GRIK3: variants seen among roughly 807,000 people sequenced by gnomAD.
GRIK3 encodes glutamate ionotropic receptor kainate type subunit 3, also known as glutamate receptor ionotropic, kainate 3.
Under a neutral mutation model 102.5 loss-of-function variants are expected in GRIK3, and 29 were observed. The observed-to-expected ratio is 0.28, with a 90% CI of 0.21 to 0.39. The LOEUF (loss-of-function observed/expected upper bound fraction) is 0.39, where lower values mean the gene tolerates loss of function less well. Ranked by LOEUF, GRIK3 falls within the 10% of genes least tolerant of loss-of-function variation. The pLI is 1.00. For synonymous variants in GRIK3, 511 were observed against 504.9 expected (o/e 1.01, Z -0.16); for missense variants, 908 against 1,252.4 (o/e 0.73, Z 4.15).
At chr1:36,815,702 T>C (rs1330108941) in intron 13 of GRIK3, among the ~76,000 whole-genome samples, 1 of 152,130 alleles carries the variant, frequency 6.6e-6, no homozygotes, top group Non-Finnish European at 1.5e-5. Context: ...CTCGGCCCCA[T>C]CTAGACCTCC....
intron 1 of GRIK3, among the ~76,000 whole-genome samples, chr1:37,030,318 G>C (rs1195024442): frequency 6.6e-6 from 1 of 152,196 alleles, no homozygotes; most frequent in Non-Finnish European, 1.5e-5. Context: ...CCAAACTCAA[G>C]AGATGAATGT....
intron 2 of GRIK3, among the ~76,000 whole-genome samples, chr1:36,887,985 G>C (rs1226451711): frequency 6.6e-6 from 1 of 151,968 alleles, no homozygotes; most frequent in African/African-American, 2.4e-5. Context: ...AGCAGCTTTG[G>C]ATAACTGTTT....
chr1:36,881,044 C>T (rs113222702), intron 2 of GRIK3, among the ~76,000 whole-genome samples, 153 bp from the exon 3 acceptor site: 22 of 152,254 alleles, frequency 1.4e-4, no homozygotes, highest in African/African-American at 5.3e-4. Context: ...TCAGTTTCCT[C>T]ATCTGAAAAC....
chr1:36,893,919 A>G (rs1275257652), intron 1 of GRIK3, among the ~76,000 whole-genome samples: 1 of 152,228 alleles, frequency 6.6e-6, no homozygotes, highest in Non-Finnish European at 1.5e-5. Flanking sequence ...AGAGGAACTT[A>G]TGTCTTTAAC....
At chr1:36,809,787 T>C (rs932891646) in intron 13 of GRIK3, among the ~76,000 whole-genome samples, 1 of 151,964 alleles carries the variant, frequency 6.6e-6, no homozygotes, top group Non-Finnish European at 1.5e-5. Context: ...AAGGCACCAG[T>C]GGGTAAAGGA....
intron 1 of GRIK3, among the ~76,000 whole-genome samples, chr1:36,964,142 C>T (rs1179410531): frequency 6.6e-6 from 1 of 152,194 alleles, no homozygotes; most frequent in African/African-American, 2.4e-5. Context: ...TATGGGGACA[C>T]CAGGCTGCTT....
rs773388016 is a variant in GRIK3 at position 36,872,252 on chromosome 1, C to T, written c.668G>A (p.Arg223Gln). 6.2e-6 allele frequency: 10 copies of T among 1,612,524 alleles called. No homozygotes were observed. Among genetic ancestry groups the T allele is most frequent in the African/African-American group, 2.7e-5 (2 of 74,892 alleles). ...DSRPLLKEMKRGREFRIIFDC... is the reference protein window; with the variant it reads ...DSRPLLKEMKQGREFRIIFDC... ...GAAGATAATGCGGAATTCCCGGCCT[C>T]GCTTCATCTCCTTGAGCAAGGGGCG... The change falls in exon 4 of 16, where the codon CGA (arginine) becomes CAA (glutamine). Residue 223 changes from arginine to glutamine, a missense_variant. By Grantham distance (43) the Arg-to-Gln change is conservative (BLOSUM62 1). Around this residue, in one of 3 missense-constraint regions of GRIK3, gnomAD observed 585 missense variants for 824.9 expected, o/e 0.71. Transcript: ENST00000373091. The surrounding 1 kb of genome is among the most constrained non-coding windows in gnomAD (Gnocchi z 5.9).
chr1:36,850,866 C>T lies in GRIK3; in HGVS notation c.1213-442G>A, dbSNP rs923370806. Among the ~76,000 whole-genome samples the T allele has an allele frequency of 6.6e-6, 1 of 152,224 alleles. No individual in the cohort carries two copies. The highest frequency in any genetic ancestry group is 2.4e-5 in the African/African-American group (1 of 41,454). ...GGCAGCACAAGGAGGGGATGGACCT[C>T]ACTGGGAAATGCTGCTGGGTTTAAA... On this transcript the variant is annotated intron_variant, in intron 8 of 15. Coordinates refer to ENST00000373091, the MANE Select transcript of GRIK3 (RefSeq NM_000831.4). This position sits in a 1 kb window ranked among gnomAD's most constrained non-coding sequence, Gnocchi z 4.0.
At chr1:36,919,388 T>A (rs1288959929) in intron 1 of GRIK3, among the ~76,000 whole-genome samples, 1 of 146,384 alleles carries the variant, frequency 6.8e-6, no homozygotes, top group African/African-American at 2.6e-5. Flanking sequence ...ATTATTATTA[T>A]ACTTTAAGTT....
intron 1 of GRIK3, among the ~76,000 whole-genome samples, chr1:36,902,590 G>A (rs186157062): frequency 6.6e-6 from 1 of 152,286 alleles, no homozygotes; most frequent in Non-Finnish European, 1.5e-5. Flanking sequence ...AAGTGTATCA[G>A]AGACCTCAAT....
intron 1 of GRIK3, among the ~76,000 whole-genome samples, chr1:36,988,704 C>A (rs999812796): frequency 1.1e-4 from 16 of 152,216 alleles, no homozygotes; most frequent in Non-Finnish European, 1.6e-4. Flanking sequence ...AAATAATTTA[C>A]CATAAATATC....
intron 1 of GRIK3, among the ~76,000 whole-genome samples, chr1:36,939,068 G>A (rs758735497): frequency 5.9e-5 from 9 of 152,136 alleles, no homozygotes; most frequent in Admixed American, 3.3e-4. Flanking sequence ...TGCCCTTCCC[G>A]CATTTGGCTG....
chr1:36,824,058 C>G (rs1642726720), intron 11 of GRIK3, among the ~76,000 whole-genome samples: 1 of 152,162 alleles, frequency 6.6e-6, no homozygotes. Context: ...TCCCTCTCCT[C>G]TCTTCTCAGG....
chr1:36,811,291 G>A (rs1449894060), intron 13 of GRIK3, among the ~76,000 whole-genome samples: 7 of 152,042 alleles, frequency 4.6e-5, no homozygotes, highest in Non-Finnish European at 1.5e-5. Context: ...CACTTAAAGG[G>A]GTAAAAACTC....
intron 1 of GRIK3, among the ~76,000 whole-genome samples, chr1:36,905,759 A>G (rs953997855): frequency 2.6e-5 from 4 of 152,242 alleles, no homozygotes; most frequent in African/African-American, 9.6e-5. Context: ...ATTTACAACA[A>G]GTATGTATTA....
rs550908714 is a variant in GRIK3, at chr1:36,829,930, T to G, written c.1531-4104A>C. Among the ~76,000 whole-genome samples the G allele has an allele frequency of 2.1e-3, 317 of 152,306 alleles. 2 individuals carry two copies. The highest frequency in any genetic ancestry group is 7.3e-3 in the African/African-American group (304 of 41,564). On this transcript the variant is annotated intron_variant, in intron 10 of 15. Coordinates refer to ENST00000373091, the MANE Select transcript of GRIK3 (RefSeq NM_000831.4). ...GACTGTGGCCTCAGCTCTAACAACT[T>G]GTCACTGATCAGCCTTCTCTTAGGA...
rs375009497 is a variant in GRIK3 at position 36,885,030 on chromosome 1, T to C, written c.293-4139A>G. Among the ~76,000 whole-genome samples, 14 of 152,364 alleles carry C rather than the reference T, an allele frequency of 9.2e-5. No homozygotes were observed. In the South Asian group the frequency reaches 1.7e-3, roughly 18 times the overall value. ...ATTTTGACACAGACTGTGAGGATTA[T>C]GACAAAGGCAACTGAAATCGTTGTG... On this transcript the variant is annotated intron_variant, in intron 2 of 15. Coordinates refer to ENST00000373091, the MANE Select transcript of GRIK3 (RefSeq NM_000831.4).
intron 13 of GRIK3, among the ~76,000 whole-genome samples, chr1:36,808,560 A>G (rs1277957843): frequency 6.6e-6 from 1 of 152,152 alleles, no homozygotes; most frequent in African/African-American, 2.4e-5. Context: ...TCAGTGAAAA[A>G]CTGAAGCCCT....
chr1:36,940,806 G>A (rs1641711799), intron 1 of GRIK3, among the ~76,000 whole-genome samples: 1 of 152,234 alleles, frequency 6.6e-6, no homozygotes, highest in South Asian at 2.1e-4. Context: ...CATGGCACTA[G>A]AAGCTTCTGG....
Sources: allele counts gnomAD v4.1 joint callset (sites outside exome capture counted in the v4.1 genomes callset), GRCh38; gene constraint gnomAD v4.1.1; regional missense constraint gnomAD v4.1.1; non-coding constraint Gnocchi (gnomAD v3.1); transcripts MANE v1.5; gene names NCBI Gene and HGNC (gene_info 2026-07-23, HGNC 2026-07-21).